LRRC7: variants seen among roughly 807,000 people sequenced by gnomAD.
LRRC7 encodes the protein leucine-rich repeat-containing protein 7.
Under a neutral mutation model 175.7 loss-of-function variants are expected in LRRC7, and 23 were observed. The observed-to-expected ratio is 0.13, with a 90% CI of 0.09 to 0.19. LRRC7 has a LOEUF of 0.19. Ranked by LOEUF, LRRC7 falls within the 10% of genes least tolerant of loss-of-function variation. The pLI is 1.00. For synonymous variants in LRRC7, 685 were observed against 680.9 expected (o/e 1.01, Z -0.09); for missense variants, 1,354 against 1,904.7 (o/e 0.71, Z 5.38).
intron 2 of LRRC7, chr1:69,716,287 A>G (rs542628477): frequency 1.1e-4 from 44 of 417,326 alleles, no homozygotes; most frequent in Non-Finnish European, 1.5e-4. Context: ...ATTTTACACT[A>G]TAATTACCAA....
chr1:69,993,378 G>A (rs1301321548), intron 10 of LRRC7, among the ~76,000 whole-genome samples: 1 of 152,166 alleles, frequency 6.6e-6, no homozygotes, highest in Non-Finnish European at 1.5e-5. Flanking sequence ...ATACTGAAAT[G>A]TGAAGTGCAG....
At chr1:70,078,494 G>A (rs889815343) in intron 24 of LRRC7, among the ~76,000 whole-genome samples, 3 of 152,052 alleles carry the variant, frequency 2.0e-5, no homozygotes, top group Admixed American at 6.6e-5. Context: ...CCAACCAGCT[G>A]TTTATTAAAT....
At chr1:69,703,417 T>C (rs770335645) in intron 2 of LRRC7, among the ~76,000 whole-genome samples, 71 of 152,056 alleles carry the variant, frequency 4.7e-4, no homozygotes, top group Admixed American at 1.4e-3. Context: ...TTAGATTTCC[T>C]AGAACTAATT....
chr1:70,103,251 A>G (rs1664922582), intron 25 of LRRC7, among the ~76,000 whole-genome samples: 1 of 151,280 alleles, frequency 6.6e-6, no homozygotes, highest in Non-Finnish European at 1.5e-5. Context: ...AAAAAAACCT[A>G]ATTATTCAGA....
chr1:69,757,026 T>A (rs1385981991), intron 2 of LRRC7, among the ~76,000 whole-genome samples: 1 of 151,820 alleles, frequency 6.6e-6, no homozygotes, highest in African/African-American at 2.4e-5. Context: ...GGAGCATAAA[T>A]CAGGAATAGA....
intron 7 of LRRC7, among the ~76,000 whole-genome samples, chr1:69,913,482 C>T (rs1394797367): frequency 6.6e-6 from 1 of 152,082 alleles, no homozygotes; most frequent in Non-Finnish European, 1.5e-5. Flanking sequence ...GTTACATATT[C>T]TCATAATGAG....
Position 69,618,998 on chromosome 1 carries a change from G to A in LRRC7, c.2+50357G>A, listed in dbSNP as rs1041319527. On this transcript the variant is annotated intron_variant, in intron 1 of 26. Transcript: ENST00000651989. ...ATCAAATTTAGAAGCACTTACTGCT[G>A]CAATAAACAACCTTGACAGTGAGTG... 2.0e-4 allele frequency among the ~76,000 whole-genome samples: 31 copies of A among 152,286 alleles called. 1 individual carries two copies. The highest frequency in any genetic ancestry group is 2.0e-3 in the Admixed American group (31 of 15,288).
At chr1:70,037,169 CA>C (rs1008955102) in intron 20 of LRRC7, among the ~76,000 whole-genome samples, 5 of 152,144 alleles carry the variant, frequency 3.3e-5, no homozygotes, top group African/African-American at 1.2e-4. Flanking sequence ...TAAAGTGACT[CA>C]ATAAGGCAAT....
intron 3 of LRRC7, 65 bp from the exon 4 acceptor site, chr1:69,791,978 G>T: frequency 9.4e-7 from 1 of 1,062,304 alleles, no homozygotes. Context: ...CTTTAATTTT[G>T]TTACTGAGTT....
At chr1:69,761,796 A>G (rs1464999246) in intron 3 of LRRC7, among the ~76,000 whole-genome samples, 2 of 152,034 alleles carry the variant, frequency 1.3e-5, no homozygotes, top group African/African-American at 2.4e-5. Context: ...ATTTCACATA[A>G]TAGATACTGA....
chr1:70,056,509 C>T (rs555429134), intron 23 of LRRC7, among the ~76,000 whole-genome samples: 7 of 152,242 alleles, frequency 4.6e-5, no homozygotes, highest in Admixed American at 6.5e-5. Context: ...TGCCCTCACG[C>T]TGTTGGCTCT....
rs768123492 is a variant in LRRC7, at chr1:70,018,733, C to A, written c.1335C>A (p.Ile445=). 6.2e-7 allele frequency: 1 copy of A among 1,611,768 alleles called. No individual in the cohort carries two copies. The highest frequency in any genetic ancestry group is 1.1e-5 in the South Asian group (1 of 90,950). The part of the protein sequence containing the change: ...WLSDNQSKAL[I]PLQTEAHPET... ...TTTGCTTCTAGTCCAAAGCCCTTAT[C>A]CCTTTACAAACAGAAGCCCATCCAG... Residue 445 remains isoleucine, a synonymous_variant, in exon 15 of 27, where the codon ATC becomes ATA. Coordinates refer to ENST00000651989, the MANE Select transcript of LRRC7 (RefSeq NM_001370785.2).
chr1:69,769,816 T>C (rs1211476939), intron 3 of LRRC7, among the ~76,000 whole-genome samples: 1 of 152,218 alleles, frequency 6.6e-6, no homozygotes, highest in Non-Finnish European at 1.5e-5. Flanking sequence ...CAGAAAGTTC[T>C]TTTAGTTGCT....
In LRRC7 at chr1:69,781,782, AAAGAAAGGAAGGAAGGAAGG is replaced by A. The variant is rs1380339917; in HGVS notation, c.304-10257_304-10238del. ...GAGAGAGAGAAAGAAAGAAAGAAAGAAAGAAAGGAAGGAAGGAAGGAAGGAAGGAAGGAAGGAAGGAAGGA... is the reference window on the plus strand; with the variant it reads ...GAGAGAGAGAAAGAAAGAAAGAAAGAAAGGAAGGAAGGAAGGAAGGAAGGA... On this transcript the variant is annotated intron_variant, in intron 3 of 26. Transcript: ENST00000651989. 6.7e-4 allele frequency among the ~76,000 whole-genome samples: 37 copies of A among 55,422 alleles called. 2 individuals are homozygous for A. The highest frequency in any genetic ancestry group is 1.1e-3 in the Non-Finnish European group (31 of 28,636). The allele number at this position is 55,422 out of a possible 152,430, so 36.4% of individuals were successfully genotyped here.
At position 69,712,913 on chromosome 1, in the gene LRRC7, A is replaced by G. The variant is rs564610454; in HGVS notation, c.100+34435A>G. ...CAAGTCTATGCATACTTTAAATAAT[A>G]ACTGCTGCCTATGTAACACAAAGAT... is the stretch of plus-strand genomic sequence containing the variant. On this transcript the variant is annotated intron_variant, in intron 2 of 26. Coordinates refer to ENST00000651989, the MANE Select transcript of LRRC7 (RefSeq NM_001370785.2). Among the ~76,000 whole-genome samples the G allele has an allele frequency of 5.3e-5, 8 of 152,284 alleles. No homozygotes were observed. The South Asian group carries it at 1.5e-3, about 28-fold the overall frequency.
intron 7 of LRRC7, among the ~76,000 whole-genome samples, chr1:69,928,525 C>T (rs1647166620): frequency 6.6e-6 from 1 of 152,236 alleles, no homozygotes; most frequent in African/African-American, 2.4e-5. Flanking sequence ...GCGCCCCTCC[C>T]CCAGCGTTGC....
At chr1:69,904,735 G>A (rs1351824057) in intron 7 of LRRC7, among the ~76,000 whole-genome samples, 1 of 152,044 alleles carries the variant, frequency 6.6e-6, no homozygotes, top group Admixed American at 6.6e-5. Flanking sequence ...TAAATTGCAT[G>A]TCACAGGGGT....
chr1:70,036,037 C>A, intron 18 of LRRC7, 84 bp from the exon 19 acceptor site: 1 of 997,186 alleles, frequency 1.0e-6, no homozygotes, highest in Non-Finnish European at 1.5e-6. Flanking sequence ...ATTTTTTAAT[C>A]TGAGCCAAAT....
intron 13 of LRRC7, 31 bp from the exon 14 acceptor site, chr1:70,016,434 C>T: frequency 1.4e-6 from 2 of 1,458,368 alleles, no homozygotes; most frequent in Middle Eastern, 1.8e-4. Context: ...CCATCTTTAC[C>T]CATGCTATTA....
Sources: gnomAD v4.1 joint callset for allele counts (sites outside exome capture counted in the v4.1 genomes callset) on GRCh38, gnomAD v4.1.1 for gene constraint, MANE v1.5 for transcripts, NCBI Gene and HGNC (gene_info 2026-07-23, HGNC 2026-07-21) for gene names.